WIPF1: variants seen among roughly 807,000 people sequenced by gnomAD.
The protein encoded by WIPF1 is WAS/WASL-interacting protein family member 1.
In WIPF1, 13 loss-of-function variants were observed where a neutral mutation model predicts 35.4. The observed-to-expected ratio is 0.37, with a 90% CI of 0.24 to 0.58. WIPF1 has a LOEUF of 0.58. WIPF1 is among the 20% of genes least tolerant of loss of function. WIPF1 has a pLI of 0.74. For synonymous variants in WIPF1, 267 were observed against 266.3 expected (o/e 1.00, Z -0.02); for missense variants, 591 against 667.0 (o/e 0.89, Z 1.25).
intron 1 of WIPF1, among the ~76,000 whole-genome samples, chr2:174,624,539 C>T (rs568821826): frequency 6.6e-6 from 1 of 152,170 alleles, no homozygotes; most frequent in Non-Finnish European, 1.5e-5. Context: ...TTTGTCATCA[C>T]CTGTTCAGAG....
At chr2:174,662,972 G>A (rs577321488) in intron 1 of WIPF1, among the ~76,000 whole-genome samples, 3 of 152,236 alleles carry the variant, frequency 2.0e-5, no homozygotes, top group South Asian at 2.1e-4. Context: ...CAAAATTAAC[G>A]TTTAAATGTT....
intron 7 of WIPF1, chr2:174,566,405 A>C (rs1200503978): frequency 6.6e-6 from 1 of 152,250 alleles, no homozygotes; most frequent in East Asian, 1.9e-4. Context: ...AGAACAACAG[A>C]AATAATTTAA....
chr2:174,674,762 G>T (rs902919699), intron 1 of WIPF1, among the ~76,000 whole-genome samples: 1 of 152,146 alleles, frequency 6.6e-6, no homozygotes, highest in Non-Finnish European at 1.5e-5. Context: ...AATGAATTAT[G>T]CTGGCAAAGA....
chr2:174,639,556 TG>T (rs1687254980), intron 1 of WIPF1, among the ~76,000 whole-genome samples: 1 of 151,380 alleles, frequency 6.6e-6, no homozygotes, highest in African/African-American at 2.4e-5. Context: ...TATTTGTTTT[TG>T]GTTTTTTTGT....
intron 7 of WIPF1, among the ~76,000 whole-genome samples, chr2:174,563,310 G>A (rs1391103615): frequency 6.6e-6 from 1 of 152,200 alleles, no homozygotes; most frequent in African/African-American, 2.4e-5. Context: ...AGTGGCTCAC[G>A]CCTGTAACCC....
intron 1 of WIPF1, among the ~76,000 whole-genome samples, chr2:174,615,506 G>A (rs778576364): frequency 6.6e-6 from 1 of 151,982 alleles, no homozygotes; most frequent in Non-Finnish European, 1.5e-5. Context: ...TATGACAAAA[G>A]CAATTTATGA....
intron 1 of WIPF1, among the ~76,000 whole-genome samples, chr2:174,616,359 A>T (rs1686505121): frequency 6.6e-6 from 1 of 152,130 alleles, no homozygotes; most frequent in African/African-American, 2.4e-5. Context: ...AGAGGATTTC[A>T]CACCTTCCTC....
intron 1 of WIPF1, 39 bp from the exon 2 acceptor site, chr2:174,585,650 C>T: frequency 4.3e-6 from 6 of 1,381,930 alleles, no homozygotes; most frequent in Non-Finnish European, 6.1e-6. Flanking sequence ...TAGATGTAAT[C>T]TTAGTAATAC....
intron 1 of WIPF1, among the ~76,000 whole-genome samples, chr2:174,634,861 C>CA (rs1018824020): frequency 7.2e-5 from 11 of 152,314 alleles, no homozygotes; most frequent in African/African-American, 2.6e-4. Flanking sequence ...TCTTGAGCCC[C>CA]AGGGTCACCT....
In WIPF1 at chr2:174,590,895, G is replaced by T. The variant is rs1864451; in HGVS notation, c.-38-5284C>A. ...TCTACAAACACAAAGAAAACTCAAGGGACAGAAAAGGCTTTTGTTTTCACA... is the reference window on the plus strand; with the variant it reads ...TCTACAAACACAAAGAAAACTCAAGTGACAGAAAAGGCTTTTGTTTTCACA... On this transcript the variant is annotated intron_variant, in intron 1 of 7. Coordinates refer to ENST00000679041, the MANE Select transcript of WIPF1 (RefSeq NM_001375834.1). This position sits in a 1 kb window ranked among gnomAD's most constrained non-coding sequence, Gnocchi z 4.6. Among the ~76,000 whole-genome samples, 1 of 151,974 alleles carries T rather than the reference G, an allele frequency of 6.6e-6. No individual in the cohort carries two copies. The highest frequency in any genetic ancestry group is 2.4e-5 in the African/African-American group (1 of 41,366).
chr2:174,641,486 T>C (rs1687292520), intron 1 of WIPF1, among the ~76,000 whole-genome samples: 1 of 152,194 alleles, frequency 6.6e-6, no homozygotes, highest in East Asian at 1.9e-4. Flanking sequence ...TGGCCAGGAT[T>C]TTCTCTCCAG....
intron 1 of WIPF1, among the ~76,000 whole-genome samples, chr2:174,618,563 C>G (rs1686583061): frequency 6.6e-6 from 1 of 152,166 alleles, no homozygotes; most frequent in African/African-American, 2.4e-5. Flanking sequence ...TAACAATGAG[C>G]ATGTACTGAG....
intron 1 of WIPF1, among the ~76,000 whole-genome samples, chr2:174,677,746 T>C (rs6716254): frequency 0.31 from 47,501 of 152,074 alleles, 7,827 homozygotes; most frequent in African/African-American, 0.38. Context: ...TCTTATAGCG[T>C]TCAACAAACA....
At position 174,646,289 on chromosome 2, in the gene WIPF1, G is replaced by A. The variant is rs145623387; in HGVS notation, c.-39+36485C>T. On this transcript the variant is annotated intron_variant, in intron 1 of 8. Coordinates refer to the WIPF1 transcript ENST00000272746. ...GAGCATCCCTCTCCTCCATATTTAG[G>A]AGCACATCAAACGGGGCAAAATTGG... 1.4e-4 allele frequency among the ~76,000 whole-genome samples: 22 copies of A among 152,186 alleles called. No individual in the cohort carries two copies. In the East Asian group the frequency reaches 2.7e-3, roughly 19 times the overall value.
Position 174,590,677 on chromosome 2 carries a change from T to C in WIPF1, c.-38-5066A>G, listed in dbSNP as rs1337670341. 6.6e-6 allele frequency among the ~76,000 whole-genome samples: 1 copy of C among 152,188 alleles called. No individual in the cohort carries two copies. The highest frequency in any genetic ancestry group is 1.5e-5 in the Non-Finnish European group (1 of 68,034). Reference sequence around the variant, plus strand: ...GTCCGGCTTCCCAGACTAGTTGGGCTCTCAGTAGTGTCGGATCACATGCCT... The same window carrying C: ...GTCCGGCTTCCCAGACTAGTTGGGCCCTCAGTAGTGTCGGATCACATGCCT... On this transcript the variant is annotated intron_variant, in intron 1 of 7. Transcript: ENST00000679041. The surrounding 1 kb of genome is among the most constrained non-coding windows in gnomAD (Gnocchi z 4.6).
At chr2:174,573,416 C>T (rs1684938932) in intron 4 of WIPF1, among the ~76,000 whole-genome samples, 1 of 152,196 alleles carries the variant, frequency 6.6e-6, no homozygotes, top group Non-Finnish European at 1.5e-5. Flanking sequence ...CTGTAGTTTA[C>T]ATTCTTGTGG....
At chr2:174,591,150 C>T (rs1344139489) in intron 1 of WIPF1, among the ~76,000 whole-genome samples, 1 of 152,178 alleles carries the variant, frequency 6.6e-6, no homozygotes, top group African/African-American at 2.4e-5. Flanking sequence ...AGTGAAGACG[C>T]AGTGAGAAGG....
chr2:174,639,733 A>C (rs956076832), intron 1 of WIPF1, among the ~76,000 whole-genome samples: 4 of 152,232 alleles, frequency 2.6e-5, no homozygotes, highest in African/African-American at 9.6e-5. Context: ...CCATTTGTCT[A>C]TTTTGGCTTT....
At chr2:174,614,260 C>T (rs1391622760) in intron 1 of WIPF1, among the ~76,000 whole-genome samples, 1 of 152,230 alleles carries the variant, frequency 6.6e-6, no homozygotes, top group Non-Finnish European at 1.5e-5. Context: ...TGCCGAGCCA[C>T]TTGTCTCCAA....
Sources: allele counts gnomAD v4.1 joint callset (sites outside exome capture counted in the v4.1 genomes callset), GRCh38; gene constraint gnomAD v4.1.1; non-coding constraint Gnocchi (gnomAD v3.1); transcripts MANE v1.5; gene names NCBI Gene and HGNC (gene_info 2026-07-23, HGNC 2026-07-21).